SEMA3C: variants seen among roughly 807,000 people sequenced by gnomAD.
The protein encoded by SEMA3C is semaphorin-3C.
In SEMA3C, 47 loss-of-function variants were observed where a neutral mutation model predicts 89.4. The observed-to-expected ratio is 0.53, with a 90% CI of 0.42 to 0.67. The LOEUF is 0.67. Ranked by LOEUF, SEMA3C falls within the 30% of genes least tolerant of loss-of-function variation. The pLI is 0.00. For synonymous variants in SEMA3C, 310 were observed against 320.2 expected, an observed-to-expected ratio of 0.97 and a Z score of 0.34; for missense variants, 839 against 929.1, an observed-to-expected ratio of 0.90 and a Z score of 1.26.
rs764335997 is a variant in SEMA3C at position 80,765,210 on chromosome 7, G to C, written c.1388C>G (p.Pro463Arg). ...CTCGCCACTGACAGAGTTGTTAGTA[G>C]GAAGAACAACCACTTTTTGCACAGT... Reference protein sequence around the residue: ...RGTVQKVVVLPTNNSVSGELI... With the variant: ...RGTVQKVVVLRTNNSVSGELI... Residue 463 changes from proline to arginine, a missense_variant, in exon 13 of 18, where the codon CCT (proline) becomes CGT (arginine). Pro to Arg is a moderately radical substitution (Grantham distance 103). Coordinates refer to ENST00000265361, the MANE Select transcript of SEMA3C (RefSeq NM_006379.5). 2.5e-6 allele frequency: 4 copies of C among 1,613,418 alleles called. No homozygotes were observed. Among genetic ancestry groups the C allele is most frequent in the Non-Finnish European group, 3.4e-6 (4 of 1,179,770 alleles).
At chr7:80,917,150 A>C (rs1792297314) in intron 1 of SEMA3C, among the ~76,000 whole-genome samples, 1 of 152,240 alleles carries the variant, frequency 6.6e-6, no homozygotes. Flanking sequence ...AATCCATTAC[A>C]TTAAAAAGAC....
At chr7:80,900,251 C>T (rs888456109) in intron 2 of SEMA3C, among the ~76,000 whole-genome samples, 1 of 151,962 alleles carries the variant, frequency 6.6e-6, no homozygotes, top group African/African-American at 2.4e-5. Context: ...GTAGCTGGGA[C>T]TACAGGTGCC....
At chr7:80,814,633 T>A (rs969587246) in intron 5 of SEMA3C, among the ~76,000 whole-genome samples, 1 of 152,012 alleles carries the variant, frequency 6.6e-6, no homozygotes, top group African/African-American at 2.4e-5. Context: ...TTCCATGGGA[T>A]CTCTCATTCA....
chr7:80,827,377 A>T, intron 4 of SEMA3C, 48 bp downstream of exon 4: 1 of 1,484,186 alleles, frequency 6.7e-7, no homozygotes, highest in Non-Finnish European at 8.9e-7. Flanking sequence ...TCGAAAACCA[A>T]ATATTTAAGT....
intron 2 of SEMA3C, among the ~76,000 whole-genome samples, chr7:80,903,618 C>T (rs139187076): frequency 9.2e-5 from 14 of 152,102 alleles, no homozygotes; most frequent in African/African-American, 2.9e-4. Flanking sequence ...GCTGAGATCA[C>T]GCCACTGCAC....
intron 12 of SEMA3C, among the ~76,000 whole-genome samples, chr7:80,770,854 C>A (rs12669309): frequency 0.24 from 36,286 of 152,118 alleles, 5,145 homozygotes; most frequent in East Asian, 0.4. Flanking sequence ...CAGGAGCATT[C>A]AAGCTTGTAA....
At chr7:80,748,104 G>A (rs900754623) in intron 17 of SEMA3C, among the ~76,000 whole-genome samples, 2 of 151,956 alleles carry the variant, frequency 1.3e-5, no homozygotes, top group African/African-American at 4.8e-5. Context: ...CTTCCCCCTT[G>A]GCTCCATCAA....
intron 7 of SEMA3C, 152 bp downstream of exon 7, chr7:80,805,487 G>T: frequency 1.9e-6 from 1 of 524,368 alleles, no homozygotes; most frequent in Non-Finnish European, 3.1e-6. Flanking sequence ...TATTTTCCCC[G>T]AATATTTTAA....
At chr7:80,779,431 AAGTC>A (rs1788640863) in intron 12 of SEMA3C, among the ~76,000 whole-genome samples, 1 of 152,182 alleles carries the variant, frequency 6.6e-6, no homozygotes, top group South Asian at 2.1e-4. Flanking sequence ...CCCATTTGCC[AAGTC>A]ATATATCTAC....
At chr7:80,819,469 G>T (rs914743967) in intron 4 of SEMA3C, among the ~76,000 whole-genome samples, 4 of 152,058 alleles carry the variant, frequency 2.6e-5, no homozygotes, top group African/African-American at 4.8e-5. Context: ...TGTTCTGAAT[G>T]CACCTGTGCC....
intron 15 of SEMA3C, among the ~76,000 whole-genome samples, chr7:80,753,970 T>G (rs2117038438): frequency 6.6e-6 from 1 of 152,286 alleles, no homozygotes; most frequent in Admixed American, 6.5e-5. Context: ...AGAGTTTCAC[T>G]CTTATTGCCC....
Position 80,899,337 on chromosome 7 carries a change from G to A in SEMA3C, c.103+17342C>T, listed in dbSNP as rs1449244052. 3.9e-5 allele frequency among the ~76,000 whole-genome samples: 6 copies of A among 152,204 alleles called. No homozygotes were observed. In the East Asian group the frequency reaches 7.7e-4, roughly 20 times the overall value. ...ATTACAGGTGTGAGCCACTGTGCTC[G>A]GCCTCAACTTATTTTTTCGTAACAA... On this transcript the variant is annotated intron_variant, in intron 2 of 17. Coordinates refer to ENST00000265361, the MANE Select transcript of SEMA3C (RefSeq NM_006379.5).
upstream of SEMA3C, chr7:80,919,055 T>A: frequency 4.1e-6 from 4 of 985,184 alleles, no homozygotes; most frequent in Non-Finnish European, 4.8e-6. Context: ...TCGGAGTGAA[T>A]GGAAAGTGGC....
chr7:80,918,803 G>A, intron 1 of SEMA3C, 25 bp downstream of exon 1: 1 of 984,928 alleles, frequency 1.0e-6, no homozygotes. Context: ...AATCTGTAAT[G>A]CGGAAAATGA....
intron 2 of SEMA3C, among the ~76,000 whole-genome samples, chr7:80,848,661 C>T (rs1358570326): frequency 1.3e-5 from 2 of 152,154 alleles, no homozygotes; most frequent in Non-Finnish European, 2.9e-5. Flanking sequence ...AGGATTTATA[C>T]TCTGTTTCTC....
chr7:80,919,119 G>A (rs1320162720), upstream of SEMA3C: 1 of 984,872 alleles, frequency 1.0e-6, no homozygotes, highest in Non-Finnish European at 1.2e-6. Flanking sequence ...GCGGCGCGCG[G>A]CTCCGGCTGC....
intron 15 of SEMA3C, among the ~76,000 whole-genome samples, chr7:80,753,816 C>A (rs907179927): frequency 4.6e-5 from 7 of 152,036 alleles, no homozygotes; most frequent in African/African-American, 1.7e-4. Flanking sequence ...TGTCTGAATC[C>A]AGAACAAATA....
chr7:80,913,023 A>G (rs1392334599), intron 2 of SEMA3C, among the ~76,000 whole-genome samples: 1 of 152,218 alleles, frequency 6.6e-6, no homozygotes, highest in Non-Finnish European at 1.5e-5. Context: ...TTTCATTTAC[A>G]TACTATCAAA....
intron 17 of SEMA3C, among the ~76,000 whole-genome samples, chr7:80,748,442 A>G (rs1186164259): frequency 1.3e-5 from 2 of 152,216 alleles, no homozygotes; most frequent in Non-Finnish European, 2.9e-5. Context: ...TAATAAAACA[A>G]TGGAAACAGA....
Sources: allele counts gnomAD v4.1 joint callset (sites outside exome capture counted in the v4.1 genomes callset), GRCh38; gene constraint gnomAD v4.1.1; transcripts MANE v1.5; gene names NCBI Gene and HGNC (gene_info 2026-07-23, HGNC 2026-07-21).